Variants in ARHGAP29 observed in about 807,000 individuals in gnomAD.
ARHGAP29 encodes the protein rho GTPase-activating protein 29.
A neutral mutation model predicts 122.6 loss-of-function variants in ARHGAP29; 43 were observed. That is an observed-to-expected ratio of 0.35 (90% CI 0.27 to 0.45). ARHGAP29 has a LOEUF of 0.45. ARHGAP29 is among the 20% of genes least tolerant of loss of function. ARHGAP29 has a pLI of 1.00. For missense variants in ARHGAP29, 1,303 were observed against 1,477.2 expected (o/e 0.88, Z 1.93); for synonymous variants, 506 against 497.1 (o/e 1.02, Z -0.24).
intron 2 of ARHGAP29, among the ~76,000 whole-genome samples, chr1:94,229,785 G>A (rs1318344183): frequency 6.6e-6 from 1 of 151,306 alleles, no homozygotes; most frequent in Non-Finnish European, 1.5e-5. Context: ...AGTATTCTCT[G>A]AAGTGTCTGC....
chr1:94,267,044 C>T (rs914543976), intron 1 of ARHGAP29, among the ~76,000 whole-genome samples: 1 of 152,166 alleles, frequency 6.6e-6, no homozygotes, highest in African/African-American at 2.4e-5. Context: ...ATCATGCCTT[C>T]CTCAGGATTT....
chr1:94,257,812 A>G (rs868358231), intron 1 of ARHGAP29, among the ~76,000 whole-genome samples: 3 of 152,338 alleles, frequency 2.0e-5, no homozygotes, highest in Middle Eastern at 6.8e-3. Context: ...GGACTAGTTA[A>G]TAGGCACTGG....
chr1:94,291,165 T>C, the ARHGAP29 span, among the ~76,000 whole-genome samples: 3 of 152,248 alleles, frequency 2.0e-5, no homozygotes, highest in African/African-American at 7.2e-5. Context: ...CCCTTTACCA[T>C]TATGTAATGG....
At chr1:94,303,475 C>T in the ARHGAP29 span, among the ~76,000 whole-genome samples, 7 of 152,046 alleles carry the variant, frequency 4.6e-5, no homozygotes, top group Admixed American at 3.9e-4. Flanking sequence ...TGAAAGTGTT[C>T]TGGAGATGGA....
Position 94,173,838 on chromosome 1 carries a change from A to T in ARHGAP29, c.*31T>A, listed in dbSNP as rs1381305851. The T allele has an allele frequency of 6.4e-7, 1 of 1,559,338 alleles. No homozygotes were observed. Among genetic ancestry groups the T allele is most frequent in the African/African-American group, 1.4e-5 (1 of 73,106 alleles). On this transcript the variant is annotated 3_prime_UTR_variant, in exon 23 of 23. Coordinates refer to ENST00000260526, the MANE Select transcript of ARHGAP29 (RefSeq NM_004815.4). ...GCACAATACCACAAAATAACACAAC[A>T]ACAACAAAAAAACCCTGAAATTTGA... is the stretch of plus-strand genomic sequence containing the variant.
At chr1:94,233,462 A>G (rs931803005) in intron 1 of ARHGAP29, among the ~76,000 whole-genome samples, 6 of 152,078 alleles carry the variant, frequency 3.9e-5, no homozygotes, top group African/African-American at 1.4e-4. Context: ...TTTCCTAATG[A>G]TCTATCTGCA....
chr1:94,300,838 T>G, the ARHGAP29 span, among the ~76,000 whole-genome samples: 1 of 152,204 alleles, frequency 6.6e-6, no homozygotes, highest in South Asian at 2.1e-4. Context: ...AATTAATGAA[T>G]GAGCAGATTA....
intron 2 of ARHGAP29, among the ~76,000 whole-genome samples, chr1:94,225,204 G>C (rs960679038): frequency 1.3e-5 from 2 of 152,126 alleles, no homozygotes; most frequent in African/African-American, 4.8e-5. Flanking sequence ...AAAGTTAAGT[G>C]GCTGCTTGAT....
intron 1 of ARHGAP29, chr1:94,249,311 C>G (rs915530943): frequency 6.6e-6 from 1 of 152,156 alleles, no homozygotes; most frequent in African/African-American, 2.4e-5. Context: ...AATAATGAAG[C>G]ATGTATGACA....
the ARHGAP29 span, among the ~76,000 whole-genome samples, chr1:94,313,190 C>T: frequency 6.6e-6 from 1 of 152,200 alleles, no homozygotes; most frequent in South Asian, 2.1e-4. Context: ...CTTCCTCCTG[C>T]TGCTCCTTGC....
the ARHGAP29 span, among the ~76,000 whole-genome samples, chr1:94,310,678 C>T: frequency 2.6e-5 from 4 of 152,100 alleles, no homozygotes; most frequent in South Asian, 2.1e-4. Flanking sequence ...TCACTTTCTT[C>T]GTTGGTTAGC....
intron 3 of ARHGAP29, among the ~76,000 whole-genome samples, chr1:94,212,065 G>A (rs1651656203): frequency 6.6e-6 from 1 of 152,152 alleles, no homozygotes; most frequent in South Asian, 2.1e-4. Context: ...GATCACCTGA[G>A]GTCAGGAGTT....
the ARHGAP29 span, among the ~76,000 whole-genome samples, chr1:94,313,431 C>T: frequency 9.2e-5 from 14 of 152,282 alleles, no homozygotes; most frequent in African/African-American, 4.8e-5. Flanking sequence ...AAGTGTATCT[C>T]CCCCCATCTC....
intron 1 of ARHGAP29, among the ~76,000 whole-genome samples, chr1:94,265,862 G>C (rs1157387854): frequency 6.6e-6 from 1 of 152,166 alleles, no homozygotes; most frequent in East Asian, 1.9e-4. Context: ...GAATGGGGGA[G>C]CACCAAAATC....
At chr1:94,297,562 TG>T in the ARHGAP29 span, among the ~76,000 whole-genome samples, 10 of 152,200 alleles carry the variant, frequency 6.6e-5, no homozygotes, top group Admixed American at 2.6e-4. Flanking sequence ...TTCTTAGTAG[TG>T]CCCAGATTTT....
intron 1 of ARHGAP29, among the ~76,000 whole-genome samples, chr1:94,247,137 G>A (rs1260836854): frequency 6.6e-6 from 1 of 152,118 alleles, no homozygotes; most frequent in Non-Finnish European, 1.5e-5. Flanking sequence ...TGAAATTTCA[G>A]AAAACGTCAC....
Position 94,231,388 on chromosome 1 carries a change from T to C in ARHGAP29, c.205+19A>G, listed in dbSNP as rs895146965. ...TTTACAAACTATCCAGCAAGAATGCTAATAGAAAAGTGACAAACCTGAAAA... is the reference window on the plus strand; with the variant it reads ...TTTACAAACTATCCAGCAAGAATGCCAATAGAAAAGTGACAAACCTGAAAA... On this transcript the variant is annotated intron_variant, in intron 2 of 22. Coordinates refer to ENST00000260526, the MANE Select transcript of ARHGAP29 (RefSeq NM_004815.4). 5 of 1,598,488 alleles carry C rather than the reference T, an allele frequency of 3.1e-6. No homozygotes were observed. Among genetic ancestry groups the C allele is most frequent in the Admixed American group, 3.3e-5 (2 of 59,792 alleles).
At chr1:94,299,507 A>G in the ARHGAP29 span, among the ~76,000 whole-genome samples, 1 of 152,166 alleles carries the variant, frequency 6.6e-6, no homozygotes, top group African/African-American at 2.4e-5. Flanking sequence ...TTAGAAGACC[A>G]CCTTCTAGGA....
intron 12 of ARHGAP29, chr1:94,192,620 T>C (rs892844551): frequency 1.3e-5 from 2 of 152,234 alleles, no homozygotes; most frequent in African/African-American, 4.8e-5. Context: ...TGGAAATCCT[T>C]GTTTATGACC....
Sources: allele counts gnomAD v4.1 joint callset (sites outside exome capture counted in the v4.1 genomes callset), GRCh38; gene constraint gnomAD v4.1.1; transcripts MANE v1.5; gene names NCBI Gene and HGNC (gene_info 2026-07-23, HGNC 2026-07-21).